The following PDE4D variants were observed in gnomAD, a reference collection of about 807,000 sequenced individuals.
The protein encoded by PDE4D is 3',5'-cyclic-AMP phosphodiesterase 4D.
PDE4D carries 24 observed loss-of-function variants against 87.4 expected under a neutral mutation model. That is an observed-to-expected ratio of 0.27 (90% CI 0.20 to 0.39). The LOEUF is 0.39. PDE4D is among the 10% of genes least tolerant of loss of function. The pLI is 1.00. For missense variants in PDE4D, 714 were observed against 1,041.0 expected (o/e 0.69, Z 4.32); for synonymous variants, 384 against 383.2 (o/e 1.00, Z -0.02).
intron 1 of PDE4D, among the ~76,000 whole-genome samples, chr5:59,419,673 C>T (rs377627051): frequency 1.5e-4 from 23 of 152,100 alleles, no homozygotes; most frequent in East Asian, 3.8e-4. Context: ...TTTTTACTGA[C>T]GTGCATGCAA....
At chr5:59,757,639 TG>T (rs1181555310) in intron 1 of PDE4D, among the ~76,000 whole-genome samples, 49 of 152,324 alleles carry the variant, frequency 3.2e-4, no homozygotes, top group African/African-American at 1.2e-3. Flanking sequence ...TTTGCTGTTC[TG>T]TTGCTTAGTG....
At chr5:60,170,769 A>G (rs1387793736) in intron 2 of PDE4D, among the ~76,000 whole-genome samples, 1 of 152,014 alleles carries the variant, frequency 6.6e-6, no homozygotes, top group African/African-American at 2.4e-5. Context: ...AAATTACAAT[A>G]AACTCTTCAG....
At chr5:60,221,257 G>A (rs903342455) in intron 1 of PDE4D, among the ~76,000 whole-genome samples, 1 of 151,722 alleles carries the variant, frequency 6.6e-6, no homozygotes, top group East Asian at 1.9e-4. Flanking sequence ...CATGAAAAAA[G>A]ACTGGGAAGT....
intron 1 of PDE4D, among the ~76,000 whole-genome samples, chr5:60,336,303 G>T (rs1202385101): frequency 6.6e-6 from 1 of 152,186 alleles, no homozygotes; most frequent in African/African-American, 2.4e-5. Flanking sequence ...AGATAAACTA[G>T]AGGTCAGTCA....
intron 1 of PDE4D, among the ~76,000 whole-genome samples, chr5:59,279,281 C>G (rs970796774): frequency 6.6e-5 from 10 of 152,082 alleles, no homozygotes; most frequent in Non-Finnish European, 1.2e-4. Flanking sequence ...TTTACAGTTT[C>G]CTGCTATTCT....
At chr5:59,974,672 G>T (rs1330952311) in intron 3 of PDE4D, among the ~76,000 whole-genome samples, 1 of 152,102 alleles carries the variant, frequency 6.6e-6, no homozygotes, top group South Asian at 2.1e-4. Context: ...GAGGACAGGT[G>T]GACCAATTAT....
At chr5:59,431,381 G>C in intron 1 of PDE4D, among the ~76,000 whole-genome samples, 1 of 152,120 alleles carries the variant, frequency 6.6e-6, no homozygotes, top group Non-Finnish European at 1.5e-5. Context: ...TCAGGGTAAT[G>C]AGAGTAGCAG....
chr5:59,272,767 G>C lies in PDE4D; in HGVS notation c.456-56799C>G, dbSNP rs187889782. Among the ~76,000 whole-genome samples, 18 of 151,980 alleles carry C rather than the reference G, an allele frequency of 1.2e-4. No individual in the cohort carries two copies. The East Asian group carries it at 3.5e-3, about 29-fold the overall frequency. On this transcript the variant is annotated intron_variant, in intron 1 of 14. Coordinates refer to ENST00000340635, the MANE Select transcript of PDE4D (RefSeq NM_001104631.2). ...CAGGCTGACCTTTAATAAGAGGAAG[G>C]GTATAAAATACAAGTTTGCCATGAA...
At chr5:59,830,311 GT>G (rs70975339) in intron 1 of PDE4D, among the ~76,000 whole-genome samples, 19,820 of 151,958 alleles carry the variant, frequency 0.13, 1,598 homozygotes, top group Middle Eastern at 0.23. Flanking sequence ...TACCGCTTGA[GT>G]TTTTTTCTAA....
At chr5:60,444,550 C>T (rs528804674) in intron 1 of PDE4D, among the ~76,000 whole-genome samples, 1 of 152,036 alleles carries the variant, frequency 6.6e-6, no homozygotes, top group Non-Finnish European at 1.5e-5. Context: ...GGGGATCAGA[C>T]AAAGTTTCAT....
At chr5:59,341,046 T>A (rs912859840) in intron 1 of PDE4D, among the ~76,000 whole-genome samples, 4 of 152,218 alleles carry the variant, frequency 2.6e-5, no homozygotes, top group African/African-American at 9.6e-5. Context: ...AATGAGAAAA[T>A]TTTTACTTTT....
intron 1 of PDE4D, among the ~76,000 whole-genome samples, chr5:59,803,535 G>A (rs1480953299): frequency 2.0e-5 from 3 of 152,070 alleles, no homozygotes; most frequent in Non-Finnish European, 4.4e-5. Context: ...CTGACCTCAA[G>A]TGATCCGCCT....
At chr5:59,534,420 G>A (rs1399322624) in intron 1 of PDE4D, among the ~76,000 whole-genome samples, 1 of 152,134 alleles carries the variant, frequency 6.6e-6, no homozygotes, top group East Asian at 1.9e-4. Flanking sequence ...TTATAATAAA[G>A]GTGAAGCAAA....
At chr5:59,232,798 G>A (rs1199697924) in intron 1 of PDE4D, among the ~76,000 whole-genome samples, 2 of 144,562 alleles carry the variant, frequency 1.4e-5, no homozygotes, top group Non-Finnish European at 3.0e-5. Context: ...CAAACAAACC[G>A]ATAGAGAAAA....
At position 60,077,707 on chromosome 5, in the gene PDE4D, G is replaced by A. The variant is rs1016966483; in HGVS notation, c.43-88990C>T. Among the ~76,000 whole-genome samples the A allele has an allele frequency of 1.3e-5, 2 of 152,164 alleles. 1 individual carries two copies. The highest frequency in any genetic ancestry group is 4.1e-4 in the South Asian group (2 of 4,832). On this transcript the variant is annotated intron_variant, in intron 2 of 16. Transcript: ENST00000502484. ...TCCCTGGCCATGCTCCACTATAGGT[G>A]CTCCCACTCCAAACCCTTTGGGCTC...
At chr5:59,963,683 G>C (rs957407465) in intron 3 of PDE4D, among the ~76,000 whole-genome samples, 19 of 152,124 alleles carry the variant, frequency 1.2e-4, no homozygotes, top group African/African-American at 3.9e-4. Context: ...CATTAGTAAA[G>C]TCTATTCCAT....
chr5:59,387,877 T>C (rs1312118513), intron 1 of PDE4D, among the ~76,000 whole-genome samples: 8 of 152,130 alleles, frequency 5.3e-5, no homozygotes, highest in African/African-American at 1.4e-4. Context: ...TGAGGTACAA[T>C]AGATCTCTGG....
At chr5:60,335,432 C>G (rs557282854) in intron 1 of PDE4D, among the ~76,000 whole-genome samples, 1 of 152,222 alleles carries the variant, frequency 6.6e-6, no homozygotes, top group African/African-American at 2.4e-5. Context: ...GGCCCTCTCT[C>G]TCCTGATGGT....
At chr5:59,917,957 A>C (rs981062353) in intron 3 of PDE4D, among the ~76,000 whole-genome samples, 5 of 152,086 alleles carry the variant, frequency 3.3e-5, no homozygotes, top group African/African-American at 1.2e-4. Flanking sequence ...AAATTAGCTT[A>C]TATAGAAAAT....
Sources: gnomAD v4.1 joint callset for allele counts (sites outside exome capture counted in the v4.1 genomes callset) on GRCh38, gnomAD v4.1.1 for gene constraint, MANE v1.5 for transcripts, NCBI Gene and HGNC (gene_info 2026-07-23, HGNC 2026-07-21) for gene names.